MDFIC2: variants seen among roughly 807,000 people sequenced by gnomAD.
MDFIC2 encodes myoD family inhibitor domain-containing protein 2.
intron 2 of MDFIC2, among the ~76,000 whole-genome samples, chr3:70,289,792 C>T (rs989062046): frequency 1.6e-4 from 24 of 152,202 alleles, no homozygotes; most frequent in Middle Eastern, 3.4e-3. Flanking sequence ...CTTTCCTTCT[C>T]GCTTCATTTC....
intron 2 of MDFIC2, among the ~76,000 whole-genome samples, chr3:70,256,350 C>CT (rs1186118390): frequency 2.0e-5 from 3 of 152,154 alleles, no homozygotes; most frequent in Non-Finnish European, 4.4e-5. Flanking sequence ...GCAATCTTCC[C>CT]TATGATGATC....
intron 2 of MDFIC2, among the ~76,000 whole-genome samples, chr3:70,224,981 A>G (rs1701490125): frequency 6.6e-6 from 1 of 152,156 alleles, no homozygotes; most frequent in Non-Finnish European, 1.5e-5. Flanking sequence ...AGGATTTTGG[A>G]TAGGTGACAT....
At chr3:70,292,495 T>G (rs1415829805) in intron 2 of MDFIC2, among the ~76,000 whole-genome samples, 1 of 152,128 alleles carries the variant, frequency 6.6e-6, no homozygotes, top group Non-Finnish European at 1.5e-5. Context: ...AGATGAAGCT[T>G]GAATTCAAGC....
chr3:70,241,757 A>G (rs932384496), intron 2 of MDFIC2, among the ~76,000 whole-genome samples: 3 of 152,180 alleles, frequency 2.0e-5, no homozygotes, highest in African/African-American at 7.2e-5. Context: ...ACATGAGTCC[A>G]TTTAATCCTT....
In MDFIC2 at chr3:70,197,850, GT is replaced by G. The variant is rs1412474251; in HGVS notation, c.311-666del. On this transcript the variant is annotated intron_variant, in intron 3 of 3. Coordinates refer to ENST00000567252, the MANE Select transcript of MDFIC2 (RefSeq NM_001364677.1). ...AAATACGTCATCATATGCCTAAAAG[GT>G]TTTAAATCTTATCAATCCTCTTTAA... 2.0e-5 allele frequency among the ~76,000 whole-genome samples: 3 copies of G among 152,112 alleles called. No individual in the cohort carries two copies. In the East Asian group the frequency reaches 5.8e-4, roughly 29 times the overall value.
At chr3:70,272,489 G>T (rs564598972) in intron 2 of MDFIC2, among the ~76,000 whole-genome samples, 1 of 152,158 alleles carries the variant, frequency 6.6e-6, no homozygotes, top group Non-Finnish European at 1.5e-5. Context: ...ACCAAAATTT[G>T]TTTATCTGTT....
chr3:70,199,516 G>A (rs1387530026), intron 3 of MDFIC2, among the ~76,000 whole-genome samples: 1 of 152,104 alleles, frequency 6.6e-6, no homozygotes, highest in Non-Finnish European at 1.5e-5. Flanking sequence ...TTAAAAGGCA[G>A]AGTCTCTTGC....
intron 2 of MDFIC2, among the ~76,000 whole-genome samples, chr3:70,211,426 C>T (rs200368390): frequency 3.2e-4 from 3 of 9,284 alleles, no homozygotes; most frequent in Admixed American, 1.9e-3. Context: ...TCCCTTTGCC[C>T]TTCCCTTCCC....
chr3:70,254,590 T>C (rs1315333637), intron 2 of MDFIC2, among the ~76,000 whole-genome samples: 1 of 152,194 alleles, frequency 6.6e-6, no homozygotes, highest in Admixed American at 6.5e-5. Flanking sequence ...GAGGTTATCA[T>C]ACTTAGCAAA....
rs1280064580 is a variant in MDFIC2, at chr3:70,195,757, G to A, written c.*1169C>T. 6.6e-6 allele frequency among the ~76,000 whole-genome samples: 1 copy of A among 152,282 alleles called. No homozygotes were observed. On this transcript the variant is annotated 3_prime_UTR_variant, in exon 4 of 4. Transcript: ENST00000567252. ...AAATTAACACAAAGTAATGAGCAAT[G>A]TATTTGCCCAAGGACTATAGAATTG... is the stretch of plus-strand genomic sequence containing the variant.
At chr3:70,299,359 T>C (rs931450702) in intron 2 of MDFIC2, among the ~76,000 whole-genome samples, 3 of 151,792 alleles carry the variant, frequency 2.0e-5, no homozygotes, top group Non-Finnish European at 2.9e-5. Context: ...GCATATAAGA[T>C]GTACAGTGGC....
In MDFIC2 at chr3:70,261,977, A is replaced by G. The variant is rs76512240; in HGVS notation, c.88+49909T>C. Among the ~76,000 whole-genome samples, 451 of 152,130 alleles carry G rather than the reference A, an allele frequency of 3.0e-3. 4 individuals are homozygous for G. The highest frequency in any genetic ancestry group is 0.018 in the Admixed American group (268 of 15,262). ...GCCCTGCCAGCACTTCTGCATACCA[A>G]CCTGTCCTTCCTTACCCATAAGAGT... On this transcript the variant is annotated intron_variant, in intron 2 of 3. Transcript: ENST00000567252.
chr3:70,261,140 T>A (rs1314806689), intron 2 of MDFIC2, among the ~76,000 whole-genome samples: 2 of 152,200 alleles, frequency 1.3e-5, no homozygotes, highest in African/African-American at 2.4e-5. Context: ...CATTAGCAGA[T>A]AATATTGTAT....
At chr3:70,208,766 T>G (rs1462192524) in intron 2 of MDFIC2, among the ~76,000 whole-genome samples, 1 of 152,086 alleles carries the variant, frequency 6.6e-6, no homozygotes. Flanking sequence ...ACTATCAGTC[T>G]GGTAATACAC....
intron 2 of MDFIC2, among the ~76,000 whole-genome samples, chr3:70,246,046 C>G (rs571528542): frequency 6.6e-6 from 1 of 151,552 alleles, no homozygotes; most frequent in Non-Finnish European, 1.5e-5. Flanking sequence ...TGTAGATAGA[C>G]AGATAGAGAG....
chr3:70,303,799 A>C (rs1559558974), intron 2 of MDFIC2, among the ~76,000 whole-genome samples: 1 of 152,074 alleles, frequency 6.6e-6, no homozygotes, highest in Non-Finnish European at 1.5e-5. Context: ...CTCTTGCCTC[A>C]GCTTCCTGAG....
At chr3:70,251,810 G>A (rs1469073707) in intron 2 of MDFIC2, among the ~76,000 whole-genome samples, 1 of 152,136 alleles carries the variant, frequency 6.6e-6, no homozygotes. Flanking sequence ...AAACCCTACT[G>A]CACCTGATTC....
intron 3 of MDFIC2, chr3:70,204,983 A>G (rs533175432): frequency 2.0e-5 from 3 of 152,156 alleles, no homozygotes; most frequent in African/African-American, 7.2e-5. Context: ...CTCTGCCATT[A>G]CCTGTTTTCT....
At chr3:70,294,989 C>A (rs1522343) in intron 2 of MDFIC2, among the ~76,000 whole-genome samples, 22 of 152,042 alleles carry the variant, frequency 1.4e-4, no homozygotes, top group Non-Finnish European at 2.2e-4. Context: ...TTACTAGAAG[C>A]CCCTAGCAGA....
Sources: allele counts gnomAD v4.1 joint callset (sites outside exome capture counted in the v4.1 genomes callset), GRCh38; gene constraint gnomAD v4.1.1; transcripts MANE v1.5; gene names NCBI Gene and HGNC (gene_info 2026-07-23, HGNC 2026-07-21).